ATP10B: variants seen among roughly 807,000 people sequenced by gnomAD.
ATP10B encodes the protein phospholipid-transporting ATPase VB.
ATP10B carries 122 observed loss-of-function variants against 141.2 expected under a neutral mutation model. The observed-to-expected ratio is 0.86, with a 90% CI of 0.75 to 1.00. The LOEUF is 1.00. Ranked by LOEUF, ATP10B falls within the 50% of genes least tolerant of loss-of-function variation. ATP10B has a pLI of 0.00. For missense variants in ATP10B, 1,876 were observed against 1,825.3 expected (o/e 1.03, Z -0.51); for synonymous variants, 685 against 692.0 (o/e 0.99, Z 0.16).
At chr5:160,809,122 GTTAA>G (rs1772975329) in intron 1 of ATP10B, among the ~76,000 whole-genome samples, 1 of 152,090 alleles carries the variant, frequency 6.6e-6, no homozygotes, top group South Asian at 2.1e-4. Flanking sequence ...TCTAATTCGG[GTTAA>G]TTTTTACTGT....
intron 3 of ATP10B, among the ~76,000 whole-genome samples, chr5:160,698,467 T>G (rs1188374046): frequency 2.0e-5 from 3 of 152,220 alleles, no homozygotes; most frequent in South Asian, 2.1e-4. Context: ...CAATTATATA[T>G]TTTCTCGATT....
intron 7 of ATP10B, among the ~76,000 whole-genome samples, chr5:160,652,921 AATATATT>A (rs1760945972): frequency 1.2e-5 from 1 of 80,894 alleles, no homozygotes; most frequent in Admixed American, 1.9e-4. Context: ...ATGTATATAT[AATATATT>A]ATATATACAT....
chr5:160,783,752 T>C (rs1225985995), intron 2 of ATP10B, among the ~76,000 whole-genome samples: 3 of 152,122 alleles, frequency 2.0e-5, no homozygotes, highest in Non-Finnish European at 4.4e-5. Context: ...AGATACCTAG[T>C]AGTGGGATTG....
chr5:160,826,889 T>C (rs986421086), intron 1 of ATP10B, among the ~76,000 whole-genome samples: 3 of 152,138 alleles, frequency 2.0e-5, no homozygotes, highest in Admixed American at 6.5e-5. Flanking sequence ...ATGGTAAATA[T>C]TTGGTCAGAT....
intron 3 of ATP10B, among the ~76,000 whole-genome samples, chr5:160,716,103 G>A (rs929308912): frequency 1.3e-5 from 2 of 152,072 alleles, no homozygotes; most frequent in African/African-American, 2.4e-5. Context: ...ATTTGCACAC[G>A]TGCACAAGGA....
intron 2 of ATP10B, among the ~76,000 whole-genome samples, chr5:160,774,747 A>G (rs569647948): frequency 6.6e-6 from 1 of 152,304 alleles, no homozygotes; most frequent in South Asian, 2.1e-4. Context: ...TTTGCAAGTA[A>G]CAGAGACACA....
chr5:160,923,798 A>G, the ATP10B span, among the ~76,000 whole-genome samples: 1 of 152,236 alleles, frequency 6.6e-6, no homozygotes, highest in Non-Finnish European at 1.5e-5. Flanking sequence ...TACTGAAATT[A>G]TCTTATAGCA....
At chr5:160,755,871 A>ATATATATATG (rs1561820609) in intron 2 of ATP10B, among the ~76,000 whole-genome samples, 2 of 114,662 alleles carry the variant, frequency 1.7e-5, no homozygotes, top group East Asian at 5.0e-4. Flanking sequence ...ATATATATAT[A>ATATATATATG]TATATATTAT....
intron 3 of ATP10B, among the ~76,000 whole-genome samples, chr5:160,716,660 C>T (rs2127777074): frequency 6.6e-6 from 1 of 152,280 alleles, no homozygotes; most frequent in South Asian, 2.1e-4. Context: ...AAAACAACAA[C>T]AATAAGTGGC....
intron 3 of ATP10B, among the ~76,000 whole-genome samples, chr5:160,701,129 C>G (rs1001839538): frequency 4.6e-5 from 7 of 152,106 alleles, no homozygotes; most frequent in Admixed American, 6.5e-5. Flanking sequence ...TTTGCCCCCT[C>G]TAGTCTCTTT....
the ATP10B span, among the ~76,000 whole-genome samples, chr5:160,890,367 G>A: frequency 1.3e-5 from 2 of 152,042 alleles, no homozygotes; most frequent in African/African-American, 2.4e-5. Context: ...TTTCAATGTT[G>A]TGAAACCATC....
chr5:160,644,202 A>G lies in ATP10B; in HGVS notation c.804T>C (p.Ser268=). 1 of 1,613,810 alleles carries G rather than the reference A, an allele frequency of 6.2e-7. No homozygotes were observed. Residue 268 remains serine, a synonymous_variant, in exon 9 of 26, where the codon AGT becomes AGC. Transcript: ENST00000327245. ...DQTRTGFGCE[S]LLLRGCTIRN... is the part of the protein sequence containing the mutation. ...TGATGGTGCAGCCTCGAAGCAGAAG[A>G]CTCTCACAGCCAAAGCCAGTCCTGG...
intron 1 of ATP10B, among the ~76,000 whole-genome samples, chr5:160,798,385 G>A (rs1201545040): frequency 6.6e-6 from 1 of 152,184 alleles, no homozygotes; most frequent in Non-Finnish European, 1.5e-5. Context: ...GGAGTAGAGT[G>A]GGCCCTAACC....
intron 22 of ATP10B, among the ~76,000 whole-genome samples, chr5:160,597,970 G>T (rs760742831): frequency 6.1e-5 from 9 of 147,210 alleles, no homozygotes; most frequent in Non-Finnish European, 1.3e-4. Context: ...TTCAACCATT[G>T]TGGAAGTCAG....
chr5:160,669,542 G>T (rs1762535547), intron 7 of ATP10B, among the ~76,000 whole-genome samples: 1 of 151,516 alleles, frequency 6.6e-6, no homozygotes, highest in African/African-American at 2.4e-5. Flanking sequence ...AAAGGGTGGG[G>T]ATTAAACAAA....
chr5:160,727,065 C>T (rs12514821), intron 2 of ATP10B, among the ~76,000 whole-genome samples: 41,505 of 152,048 alleles, frequency 0.27, 6,397 homozygotes, highest in East Asian at 0.7. Context: ...TGTGCCCTGA[C>T]CACCTTGGGC....
chr5:160,791,647 G>A (rs143929416), intron 1 of ATP10B, among the ~76,000 whole-genome samples: 1 of 152,250 alleles, frequency 6.6e-6, no homozygotes, highest in African/African-American at 2.4e-5. Context: ...TCAATTACAG[G>A]CAGCAGGATG....
chr5:160,890,839 A>T, the ATP10B span, among the ~76,000 whole-genome samples: 1 of 152,130 alleles, frequency 6.6e-6, no homozygotes, highest in African/African-American at 2.4e-5. Context: ...CTTCCTGAGT[A>T]GCTGGAGCTA....
In ATP10B at chr5:160,662,134, T is replaced by G. The variant is rs960302404; in HGVS notation, c.675+8329A>C. Among the ~76,000 whole-genome samples, 6 of 152,096 alleles carry G rather than the reference T, an allele frequency of 3.9e-5. No individual in the cohort carries two copies. In the East Asian group the frequency reaches 5.8e-4, roughly 15 times the overall value. On this transcript the variant is annotated intron_variant, in intron 7 of 25. Transcript: ENST00000327245. ...AGGAGAACTACAAACCACTGCTCAA[T>G]GAAATAAAAGAGGATACAAACAAAT... is the stretch of plus-strand genomic sequence containing the variant.
Sources: gnomAD v4.1 joint callset for allele counts (sites outside exome capture counted in the v4.1 genomes callset) on GRCh38, gnomAD v4.1.1 for gene constraint, MANE v1.5 for transcripts, NCBI Gene and HGNC (gene_info 2026-07-23, HGNC 2026-07-21) for gene names.